Variants in FAT2 observed in about 807,000 individuals in gnomAD.
FAT2 encodes protocadherin Fat 2.
Under a neutral mutation model 295.3 loss-of-function variants are expected in FAT2, and 150 were observed. The ratio of observed to expected loss-of-function variants is 0.51; its 90% CI spans 0.44 to 0.58. The LOEUF is 0.58. Ranked by LOEUF, FAT2 falls within the 20% of genes least tolerant of loss-of-function variation. FAT2 has a pLI of 0.00. For synonymous variants in FAT2, 2,026 were observed against 2,150.3 expected, an observed-to-expected ratio of 0.94 and a Z score of 1.60; for missense variants, 4,868 against 5,442.7, an observed-to-expected ratio of 0.89 and a Z score of 3.32.
chr5:151,534,693 A>G, intron 12 of FAT2, 51 bp from the exon 13 acceptor site: 1 of 1,504,892 alleles, frequency 6.6e-7, no homozygotes, highest in African/African-American at 1.4e-5. Context: ...AATATTACCC[A>G]AGCATGTGCC....
intron 15 of FAT2, 47 bp from the exon 16 acceptor site, chr5:151,528,180 C>A (rs2304026): frequency 1.1e-5 from 17 of 1,604,434 alleles, no homozygotes; most frequent in African/African-American, 2.7e-5. Context: ...GGAATCTTGA[C>A]CCCTGGGAGT....
chr5:151,555,908 C>T (rs1163464009), intron 4 of FAT2, among the ~76,000 whole-genome samples: 2 of 152,114 alleles, frequency 1.3e-5, no homozygotes, highest in South Asian at 2.1e-4. Flanking sequence ...GAAACAGGCA[C>T]CAGGAATGCC....
At chr5:151,593,200 G>T (rs1759481501), upstream of FAT2, among the ~76,000 whole-genome samples, 1 of 152,248 alleles carries the variant, frequency 6.6e-6, no homozygotes, top group Non-Finnish European at 1.5e-5. Context: ...TGCCACTCAA[G>T]CCTCCAAGTT....
intron 3 of FAT2, 118 bp downstream of exon 3, chr5:151,563,206 TG>T: frequency 1.1e-6 from 1 of 939,642 alleles, no homozygotes; most frequent in Non-Finnish European, 1.6e-6. Context: ...GGATTTAGGG[TG>T]GGGCCAGAGA....
In FAT2 at chr5:151,544,051, A is replaced by G; in HGVS notation, c.7076T>C (p.Leu2359Pro). ...GACAACCACAAGGGTTTCACCAGTG[A>G]GTGGGGGATCTCCTTTATCCATGGC... ...VRAMDKGDPP[L>P]TGETLVVVNV... Residue 2359 changes from leucine (L) to proline (P), a missense_variant, in exon 10 of 24, where the codon CTC (leucine) becomes CCC (proline). Leu to Pro is a moderately conservative substitution (Grantham distance 98). Around this residue, in one of 5 missense-constraint regions of FAT2, gnomAD observed 3,297 missense variants for 3,669.4 expected, o/e 0.90. Transcript: ENST00000261800. 1 of 1,614,162 alleles carries G rather than the reference A, an allele frequency of 6.2e-7. No individual in the cohort carries two copies.
chr5:151,574,737 G>A (rs1758678921), intron 1 of FAT2, among the ~76,000 whole-genome samples: 1 of 152,226 alleles, frequency 6.6e-6, no homozygotes, highest in South Asian at 2.1e-4. Context: ...AATTCACTGA[G>A]GGTAGAGAGA....
In FAT2 at chr5:151,506,087, G is replaced by A. The variant is rs770118793; in HGVS notation, c.12528C>T (p.Gly4176=). 1.3e-5 allele frequency: 19 copies of A among 1,518,422 alleles called. No individual in the cohort carries two copies. Among genetic ancestry groups the A allele is most frequent in the Admixed American group, 6.7e-5 (3 of 44,906 alleles). 94.1% of individuals were successfully genotyped at this position (1,518,422 alleles called of 1,614,324 possible). A position where few individuals can be genotyped will look rare whatever the true frequency, so the allele number is the denominator to read the frequency against. ...TWSSEEMVYP[G]GAMVWPPTYS... is the part of the protein sequence containing the mutation. ...AAGTAGGGGGCCAGACCATGGCTCC[G>A]CCAGGGTACACTGAAAGGGAACAGC... The change falls in exon 24 of 24, where the codon GGC becomes GGT. Residue 4176 remains glycine (G), a synonymous_variant. Transcript: ENST00000261800.
At chr5:151,524,874 T>TG (rs1753830036) in intron 18 of FAT2, among the ~76,000 whole-genome samples, 1 of 152,342 alleles carries the variant, frequency 6.6e-6, no homozygotes, top group African/African-American at 2.4e-5. Context: ...TGTCACCTCC[T>TG]GGGGGCAGCC....
chr5:151,542,890 G>A lies in FAT2; in HGVS notation c.8237C>T (p.Thr2746Ile). 1 of 1,614,174 alleles carries A rather than the reference G, an allele frequency of 6.2e-7. No homozygotes were observed. Among genetic ancestry groups the A allele is most frequent in the Non-Finnish European group, 8.5e-7 (1 of 1,180,044 alleles). The change falls in exon 10 of 24, where the codon ACA (threonine) becomes ATA (isoleucine). Residue 2746 changes from threonine (T) to isoleucine (I), a missense_variant. Physicochemically the swap from Thr to Ile is moderately conservative, Grantham distance 89 (BLOSUM62 -1). This residue lies in a region of FAT2 where 3,297 missense variants were observed against 3,669.4 expected (regional missense o/e 0.90). Coordinates refer to ENST00000261800, the MANE Select transcript of FAT2 (RefSeq NM_001447.3). ...GGGCTTCCTCACCTTTATGACCCCT[G>A]TGTCTGGGTCTAGGGAGAAGACACC... ...KDGVFSLDPD[T>I]GVIKVRKPMD...
At chr5:151,538,812 G>C (rs1353971293) in intron 11 of FAT2, among the ~76,000 whole-genome samples, 2 of 151,904 alleles carry the variant, frequency 1.3e-5, no homozygotes, top group African/African-American at 4.8e-5. Flanking sequence ...AGGTAGCTGG[G>C]AGTACAGGTG....
At chr5:151,563,075 A>C (rs2127641026) in intron 3 of FAT2, among the ~76,000 whole-genome samples, 1 of 152,318 alleles carries the variant, frequency 6.6e-6, no homozygotes, top group South Asian at 2.1e-4. Context: ...TTTCACATAG[A>C]GATGGACTTT....
At chr5:151,592,456 T>A (rs1200526611), upstream of FAT2, among the ~76,000 whole-genome samples, 2 of 151,956 alleles carry the variant, frequency 1.3e-5, no homozygotes, top group Admixed American at 1.3e-4. Flanking sequence ...TTGAAGCCCC[T>A]CTGCAACATT....
chr5:151,566,090 C>G lies in FAT2; in HGVS notation c.2842G>C (p.Asp948His), dbSNP rs1758248473. The G allele has an allele frequency of 3.1e-6, 5 of 1,614,028 alleles. No individual in the cohort carries two copies. The African/African-American group carries it at 5.3e-5, about 17-fold the overall frequency. Residue 948 changes from aspartate (D) to histidine (H), a missense_variant, in exon 2 of 24, where the codon GAT becomes CAT. Asp to His is a moderately conservative substitution (Grantham distance 81). This residue lies in a region of FAT2 where 3,297 missense variants were observed against 3,669.4 expected (regional missense o/e 0.90). Coordinates refer to ENST00000261800, the MANE Select transcript of FAT2 (RefSeq NM_001447.3). Reference protein sequence around the residue: ...LPPGTVLTFLDASDPDLGPAG... With the variant: ...LPPGTVLTFLHASDPDLGPAG... ...GGGCCCAGGTCAGGATCAGAGGCAT[C>G]CAGAAATGTCAAGACAGTCCCGGGG...
chr5:151,533,378 G>A (rs1045552017), intron 13 of FAT2, among the ~76,000 whole-genome samples: 12 of 143,040 alleles, frequency 8.4e-5, no homozygotes, highest in African/African-American at 2.5e-4. Context: ...TATTCCACTT[G>A]CACTTGTTAT....
chr5:151,522,936 A>C (rs1448524701), intron 18 of FAT2, among the ~76,000 whole-genome samples: 1 of 152,202 alleles, frequency 6.6e-6, no homozygotes, highest in Admixed American at 6.5e-5. Context: ...TCACTTAAGT[A>C]GGGAAAAGAA....
intron 3 of FAT2, among the ~76,000 whole-genome samples, chr5:151,559,769 A>G (rs1363942296): frequency 6.6e-6 from 1 of 151,844 alleles, no homozygotes; most frequent in Non-Finnish European, 1.5e-5. Context: ...TCTGGAATCA[A>G]TGCCCCGAGG....
At chr5:151,527,864 G>A (rs1754180906) in intron 16 of FAT2, 132 bp downstream of exon 16, 1 of 1,249,170 alleles carries the variant, frequency 8.0e-7, no homozygotes, top group Middle Eastern at 2.9e-4. Context: ...GAGAAAACAA[G>A]TGAGAGACAT....
chr5:151,538,845 T>G (rs80252985), intron 11 of FAT2, among the ~76,000 whole-genome samples: 1 of 136,206 alleles, frequency 7.3e-6, no homozygotes, highest in Admixed American at 7.3e-5. Flanking sequence ...CCTGGCTAAT[T>G]TTTTTTTTTT....
At chr5:151,507,741 A>C in intron 22 of FAT2, 130 bp from the exon 23 acceptor site, 1 of 777,822 alleles carries the variant, frequency 1.3e-6, no homozygotes, top group Non-Finnish European at 2.0e-6. Flanking sequence ...CCCCCCAAAA[A>C]AGTAACTATC....
Sources: allele counts gnomAD v4.1 joint callset (sites outside exome capture counted in the v4.1 genomes callset), GRCh38; gene constraint gnomAD v4.1.1; regional missense constraint gnomAD v4.1.1; transcripts MANE v1.5; gene names NCBI Gene and HGNC (gene_info 2026-07-23, HGNC 2026-07-21).